Variants in DPP10 observed in about 807,000 individuals in gnomAD.
DPP10 encodes the protein inactive dipeptidyl peptidase 10.
Under a neutral mutation model 120.9 loss-of-function variants are expected in DPP10, and 33 were observed. The observed-to-expected ratio is 0.27, with a 90% CI of 0.21 to 0.37. The LOEUF (loss-of-function observed/expected upper bound fraction) is 0.37. DPP10 is among the 10% of genes least tolerant of loss of function. The pLI is 1.00. For synonymous variants in DPP10, 337 were observed against 326.1 expected, an observed-to-expected ratio of 1.03 and a Z score of -0.36; for missense variants, 816 against 942.8, an observed-to-expected ratio of 0.87 and a Z score of 1.76.
intron 1 of DPP10, among the ~76,000 whole-genome samples, chr2:115,127,289 A>C (rs745653973): frequency 6.6e-6 from 1 of 152,198 alleles, no homozygotes; most frequent in African/African-American, 2.4e-5. Flanking sequence ...CTTATTTGTT[A>C]TAAAATAGAG....
At chr2:115,385,027 C>T (rs2066813375) in intron 3 of DPP10, among the ~76,000 whole-genome samples, 1 of 152,148 alleles carries the variant, frequency 6.6e-6, no homozygotes, top group Admixed American at 6.5e-5. Flanking sequence ...CTTGCTGCCA[C>T]CATGTAAGAA....
intron 5 of DPP10, among the ~76,000 whole-genome samples, chr2:115,544,243 G>A (rs1411199467): frequency 6.6e-6 from 1 of 151,956 alleles, no homozygotes; most frequent in African/African-American, 2.4e-5. Context: ...TGTCAATATA[G>A]TCAGCTTTCT....
chr2:115,389,315 C>G (rs965759255), intron 3 of DPP10, among the ~76,000 whole-genome samples: 2 of 151,346 alleles, frequency 1.3e-5, no homozygotes. Flanking sequence ...ACTCATTCTA[C>G]TTCATTTCAA....
intron 5 of DPP10, among the ~76,000 whole-genome samples, chr2:115,547,648 C>T (rs1030590701): frequency 6.6e-6 from 1 of 151,964 alleles, no homozygotes. Flanking sequence ...TTCCTGTAGT[C>T]CCAGCTACTG....
chr2:115,187,019 C>CTTTTTTTTTTT (rs147014349), intron 1 of DPP10, among the ~76,000 whole-genome samples: 1 of 63,180 alleles, frequency 1.6e-5, no homozygotes, highest in Non-Finnish European at 3.4e-5. Context: ...TGCAAAGATT[C>CTTTTTTTTTTT]TTTTTTTTTT....
intron 21 of DPP10, among the ~76,000 whole-genome samples, chr2:115,828,976 C>T (rs1217832107): frequency 1.3e-5 from 2 of 152,052 alleles, no homozygotes; most frequent in Non-Finnish European, 2.9e-5. Flanking sequence ...AGATAGCAGT[C>T]TCTGTTCACA....
chr2:114,485,958 C>A (rs1276228737), intron 1 of DPP10, among the ~76,000 whole-genome samples: 1 of 152,152 alleles, frequency 6.6e-6, no homozygotes, highest in Non-Finnish European at 1.5e-5. Context: ...CCGCACTACC[C>A]ACACACATGT....
chr2:114,839,886 A>G (rs1305249221), intron 1 of DPP10, among the ~76,000 whole-genome samples: 2 of 152,214 alleles, frequency 1.3e-5, no homozygotes, highest in Admixed American at 6.6e-5. Context: ...ATCTTTAATA[A>G]ACTATTGGGT....
At chr2:115,641,667 T>C (rs966559694) in intron 5 of DPP10, among the ~76,000 whole-genome samples, 1 of 152,184 alleles carries the variant, frequency 6.6e-6, no homozygotes, top group Admixed American at 6.5e-5. Flanking sequence ...GGTAACGTCT[T>C]TGTCTTATAT....
At chr2:115,639,240 C>G (rs1321989995) in intron 5 of DPP10, among the ~76,000 whole-genome samples, 1 of 152,182 alleles carries the variant, frequency 6.6e-6, no homozygotes, top group African/African-American at 2.4e-5. Flanking sequence ...TTCTCTTCTT[C>G]CTTCCATATC....
chr2:114,506,129 T>C (rs1683637454), intron 1 of DPP10, among the ~76,000 whole-genome samples: 1 of 152,156 alleles, frequency 6.6e-6, no homozygotes, highest in South Asian at 2.1e-4. Flanking sequence ...ACATACCTGT[T>C]TTCCCACTCA....
chr2:114,571,942 ATATT>A (rs1172122422), intron 1 of DPP10, among the ~76,000 whole-genome samples: 6 of 148,638 alleles, frequency 4.0e-5, no homozygotes, highest in African/African-American at 1.5e-4. Context: ...GTAGTATATA[ATATT>A]TATACTACAT....
intron 1 of DPP10, among the ~76,000 whole-genome samples, chr2:114,473,311 T>C (rs1434763518): frequency 6.6e-6 from 1 of 152,150 alleles, no homozygotes; most frequent in Non-Finnish European, 1.5e-5. Context: ...TGAATGAAAC[T>C]CTAGTGATAA....
intron 1 of DPP10, chr2:114,461,642 G>T (rs944365001): frequency 8.1e-6 from 8 of 985,254 alleles, no homozygotes; most frequent in Non-Finnish European, 7.2e-6. Context: ...GTAATATTTT[G>T]CTGGTGTAGA....
chr2:115,545,380 G>T (rs561057332), intron 5 of DPP10, among the ~76,000 whole-genome samples: 1 of 152,144 alleles, frequency 6.6e-6, no homozygotes, highest in African/African-American at 2.4e-5. Context: ...AGTGTAGTTG[G>T]GAAAATTTGT....
At chr2:115,509,432 T>G (rs1383934200) in intron 4 of DPP10, among the ~76,000 whole-genome samples, 1 of 152,166 alleles carries the variant, frequency 6.6e-6, no homozygotes. Context: ...GATGGGGAAT[T>G]CTGGGTGAGA....
chr2:114,590,298 T>G (rs943665674), intron 1 of DPP10, among the ~76,000 whole-genome samples: 1 of 152,100 alleles, frequency 6.6e-6, no homozygotes, highest in Non-Finnish European at 1.5e-5. Context: ...AAATGAATGA[T>G]AGTTTATGTT....
intron 1 of DPP10, among the ~76,000 whole-genome samples, chr2:114,514,697 C>T (rs1405793821): frequency 2.0e-5 from 3 of 151,910 alleles, no homozygotes; most frequent in African/African-American, 7.3e-5. Context: ...GTGGGAAAGG[C>T]CTTTCCAGGA....
Position 114,908,191 on chromosome 2 carries a change from A to G in DPP10, c.61-401048A>G, listed in dbSNP as rs530224560. Among the ~76,000 whole-genome samples, 3 of 152,116 alleles carry G rather than the reference A, an allele frequency of 2.0e-5. No homozygotes were observed. The South Asian group carries it at 6.2e-4, about 32-fold the overall frequency. ...AAATATTTGTACTCAAGCTAGTTGTATCTTTGAATCTAAAGCATATCTCCC... is the reference window on the plus strand; with the variant it reads ...AAATATTTGTACTCAAGCTAGTTGTGTCTTTGAATCTAAAGCATATCTCCC... On this transcript the variant is annotated intron_variant, in intron 1 of 25. Coordinates refer to ENST00000410059, the MANE Select transcript of DPP10 (RefSeq NM_020868.6).
Sources: gnomAD v4.1 joint callset for allele counts (sites outside exome capture counted in the v4.1 genomes callset) on GRCh38, gnomAD v4.1.1 for gene constraint, MANE v1.5 for transcripts, NCBI Gene and HGNC (gene_info 2026-07-23, HGNC 2026-07-21) for gene names.